SCHIP1: variants seen among roughly 807,000 people sequenced by gnomAD.
SCHIP1 encodes the protein schwannomin-interacting protein 1.
Under a neutral mutation model 29.7 loss-of-function variants are expected in SCHIP1, and 8 were observed. That is an observed-to-expected ratio of 0.27 (90% confidence interval 0.16 to 0.49). The LOEUF (loss-of-function observed/expected upper bound fraction) is 0.49. Among genes scored for constraint, SCHIP1 ranks in the 20% least tolerant of loss-of-function variants. The pLI, the probability that SCHIP1 is intolerant of heterozygous loss-of-function variation, is 0.99. For missense variants in SCHIP1, 193 were observed against 294.6 expected, an observed-to-expected ratio of 0.66 and a Z score of 2.52; for synonymous variants, 76 against 94.9, an observed-to-expected ratio of 0.80 and a Z score of 1.16.
the SCHIP1 span, among the ~76,000 whole-genome samples, chr3:159,759,850 T>G: frequency 6.6e-6 from 1 of 152,238 alleles, no homozygotes; most frequent in African/African-American, 2.4e-5. Flanking sequence ...GTTTGGAAAT[T>G]CTGCAAATAA....
chr3:159,728,736 T>A, the SCHIP1 span, among the ~76,000 whole-genome samples: 764 of 152,266 alleles, frequency 5.0e-3, 4 homozygotes, highest in Non-Finnish European at 8.0e-3. Flanking sequence ...TTGGGAAAGC[T>A]CAGGTGAACT....
chr3:159,289,061 A>C, the SCHIP1 span, among the ~76,000 whole-genome samples: 1 of 152,062 alleles, frequency 6.6e-6, no homozygotes, highest in Non-Finnish European at 1.5e-5. Context: ...AGTCTTGTTG[A>C]CTTTATCTTC....
chr3:159,730,392 G>T, the SCHIP1 span, among the ~76,000 whole-genome samples: 986 of 152,220 alleles, frequency 6.5e-3, 14 homozygotes, highest in African/African-American at 0.023. Flanking sequence ...AGATTAAGTG[G>T]GTTAATCTGC....
the SCHIP1 span, among the ~76,000 whole-genome samples, chr3:159,477,353 C>G: frequency 7.9e-5 from 12 of 152,078 alleles, no homozygotes; most frequent in African/African-American, 2.9e-4. Context: ...TTCTGAGGAA[C>G]CCCCATATCA....
chr3:159,334,030 C>T, the SCHIP1 span, among the ~76,000 whole-genome samples: 1 of 152,092 alleles, frequency 6.6e-6, no homozygotes, highest in Non-Finnish European at 1.5e-5. Flanking sequence ...ACATATAGCT[C>T]AATATCTTAG....
At chr3:159,516,636 T>G in the SCHIP1 span, among the ~76,000 whole-genome samples, 2 of 152,098 alleles carry the variant, frequency 1.3e-5, no homozygotes, top group Non-Finnish European at 2.9e-5. Context: ...TATCCCAAGA[T>G]CTCCTCCTTT....
the SCHIP1 span, among the ~76,000 whole-genome samples, chr3:159,281,297 G>A: frequency 6.6e-6 from 1 of 152,172 alleles, no homozygotes; most frequent in East Asian, 1.9e-4. Context: ...TTCATTCCCT[G>A]TAATTAATGT....
At chr3:159,428,537 C>G in the SCHIP1 span, among the ~76,000 whole-genome samples, 20,833 of 151,988 alleles carry the variant, frequency 0.14, 1,665 homozygotes, top group African/African-American at 0.2. Context: ...ATTAAAAGGT[C>G]AGGAAACAAC....
the SCHIP1 span, among the ~76,000 whole-genome samples, chr3:159,497,543 G>C: frequency 6.6e-6 from 1 of 151,912 alleles, no homozygotes; most frequent in African/African-American, 2.4e-5. Context: ...AAAACTGCCA[G>C]TGTCACCACA....
chr3:159,415,849 G>A, the SCHIP1 span, among the ~76,000 whole-genome samples: 1 of 152,134 alleles, frequency 6.6e-6, no homozygotes, highest in Non-Finnish European at 1.5e-5. Context: ...ACTCAATATT[G>A]TTATTACTAA....
At chr3:159,351,162 T>C in the SCHIP1 span, among the ~76,000 whole-genome samples, 1 of 152,186 alleles carries the variant, frequency 6.6e-6, no homozygotes, top group Admixed American at 6.5e-5. Flanking sequence ...CTTCATGCTC[T>C]TACAGTTCTG....
At chr3:159,338,629 T>G in the SCHIP1 span, among the ~76,000 whole-genome samples, 1 of 152,086 alleles carries the variant, frequency 6.6e-6, no homozygotes, top group African/African-American at 2.4e-5. Flanking sequence ...AAGGGTAGAT[T>G]CAGAAAGACT....
chr3:159,461,002 T>C, the SCHIP1 span, among the ~76,000 whole-genome samples: 1 of 152,110 alleles, frequency 6.6e-6, no homozygotes. Flanking sequence ...CTTGACCTGT[T>C]TCAGGAAGTT....
the SCHIP1 span, among the ~76,000 whole-genome samples, chr3:159,387,638 C>T: frequency 3.3e-5 from 5 of 152,200 alleles, no homozygotes; most frequent in Non-Finnish European, 2.9e-5. Context: ...ATATTTTAGG[C>T]TTTCCAGGCT....
the SCHIP1 span, among the ~76,000 whole-genome samples, chr3:159,512,970 A>G: frequency 6.6e-6 from 1 of 152,190 alleles, no homozygotes; most frequent in Admixed American, 6.5e-5. Flanking sequence ...TGCCTGGTTT[A>G]TTTAACTTAA....
chr3:159,624,829 G>A, the SCHIP1 span, among the ~76,000 whole-genome samples: 1 of 152,098 alleles, frequency 6.6e-6, no homozygotes, highest in Middle Eastern at 3.2e-3. Context: ...AGCACCTGAG[G>A]GACTTGTTTG....
the SCHIP1 span, among the ~76,000 whole-genome samples, chr3:159,583,070 G>A: frequency 3.9e-5 from 6 of 152,184 alleles, no homozygotes; most frequent in South Asian, 1.2e-3. Context: ...AAAAAATGAT[G>A]TAAATTTCAA....
the SCHIP1 span, among the ~76,000 whole-genome samples, chr3:159,556,662 G>C: frequency 2.7e-5 from 4 of 149,958 alleles, no homozygotes; most frequent in East Asian, 6.0e-4. Flanking sequence ...GTAAACTATC[G>C]CAAGGACAAA....
At chr3:159,384,751 G>C in the SCHIP1 span, among the ~76,000 whole-genome samples, 1 of 151,768 alleles carries the variant, frequency 6.6e-6, no homozygotes, top group South Asian at 2.1e-4. Context: ...GACTCTTTTT[G>C]GTTGGTAAGC....
Sources: allele counts gnomAD v4.1 joint callset (sites outside exome capture counted in the v4.1 genomes callset), GRCh38; gene constraint gnomAD v4.1.1; transcripts MANE v1.5; gene names NCBI Gene and HGNC (gene_info 2026-07-23, HGNC 2026-07-21).